MYRF: variants seen among roughly 807,000 people sequenced by gnomAD.
MYRF encodes myelin regulatory factor.
In MYRF, 16 loss-of-function variants were observed where a neutral mutation model predicts 126.3. The ratio of observed to expected loss-of-function variants is 0.13; its 90% CI spans 0.09 to 0.19. The LOEUF (loss-of-function observed/expected upper bound fraction) is 0.19, where lower values mean the gene tolerates loss of function less well. Ranked by LOEUF, MYRF falls within the 10% of genes least tolerant of loss-of-function variation. The pLI is 1.00. For missense variants in MYRF, 1,104 were observed against 1,547.0 expected, an observed-to-expected ratio of 0.71 and a Z score of 4.80; for synonymous variants, 608 against 635.3, an observed-to-expected ratio of 0.96 and a Z score of 0.65.
intron 1 of MYRF, among the ~76,000 whole-genome samples, chr11:61,762,179 G>A (rs2065917601): frequency 6.6e-6 from 1 of 152,180 alleles, no homozygotes; most frequent in Non-Finnish European, 1.5e-5. Flanking sequence ...ATGGAAAGGA[G>A]GCAAGGGCTG....
Position 61,757,921 on chromosome 11 carries a change from G to A in MYRF, c.46+5131G>A, listed in dbSNP as rs538791081. 2.6e-5 allele frequency among the ~76,000 whole-genome samples: 4 copies of A among 152,312 alleles called. No homozygotes were observed. ...CTCTGTGCCAGCCTGGGATGGGCAG[G>A]GAAGGGGCCTCTCCTCCTGACATGC... On this transcript the variant is annotated intron_variant, in intron 1 of 26. Coordinates refer to ENST00000278836, the MANE Select transcript of MYRF (RefSeq NM_001127392.3). The surrounding 1 kb of genome is among the most constrained non-coding windows in gnomAD (Gnocchi z 4.7).
intron 1 of MYRF, among the ~76,000 whole-genome samples, chr11:61,753,162 G>A (rs2065653230): frequency 6.6e-6 from 1 of 152,014 alleles, no homozygotes; most frequent in Admixed American, 6.6e-5. Flanking sequence ...AACCCCAAGC[G>A]GGATACAACC....
In MYRF at chr11:61,780,744, C is replaced by G. The variant is rs542246137; in HGVS notation, c.2438C>G (p.Ala813Gly). 1 of 1,549,112 alleles carries G rather than the reference C, an allele frequency of 6.5e-7. No homozygotes were observed. Among genetic ancestry groups the G allele is most frequent in the Non-Finnish European group, 8.7e-7 (1 of 1,147,086 alleles). The change falls in exon 19 of 27, where the codon GCC becomes GGC. Residue 813 changes from alanine (A) to glycine (G), a missense_variant. Transcript: ENST00000278836. The part of the protein sequence containing the change: ...SFAVSTSCLL[A>G]LLRPQPPGGS... ...GCCGTGTCCACTTCCTGTCTCCTGGCCCTGCTCCGGCCCCAGCCCCCTGGG... is the reference window on the plus strand; with the variant it reads ...GCCGTGTCCACTTCCTGTCTCCTGGGCCTGCTCCGGCCCCAGCCCCCTGGG...
intron 16 of MYRF, 25 bp downstream of exon 16, chr11:61,779,595 C>A: frequency 1.4e-6 from 2 of 1,476,602 alleles, no homozygotes; most frequent in Non-Finnish European, 1.8e-6. Flanking sequence ...GGATGGCAGG[C>A]GGGTTGGAAA....
At chr11:61,785,546 C>A in intron 25 of MYRF, 2 of 554,652 alleles carry the variant, frequency 3.6e-6, no homozygotes, top group East Asian at 6.0e-5. Context: ...CCCAGCACAA[C>A]AGGACTGGGA....
At chr11:61,785,984 G>T in intron 26 of MYRF, 79 bp from the exon 27 acceptor site, 1 of 1,554,618 alleles carries the variant, frequency 6.4e-7, no homozygotes, top group African/African-American at 1.4e-5. Flanking sequence ...GGGGCACAGT[G>T]TCAAGCAATG....
At chr11:61,752,974 G>C (rs553379117) in intron 1 of MYRF, among the ~76,000 whole-genome samples, 184 bp downstream of exon 1, 1 of 151,982 alleles carries the variant, frequency 6.6e-6, no homozygotes, top group Non-Finnish European at 1.5e-5. Context: ...ACCACCCACC[G>C]CCGCTGAAGT....
At chr11:61,768,059 A>C (rs902131585) in intron 3 of MYRF, among the ~76,000 whole-genome samples, 19 of 150,658 alleles carry the variant, frequency 1.3e-4, no homozygotes, top group Admixed American at 5.3e-4. Context: ...TGGAGGTTAC[A>C]GTGAGTGGTG....
rs1191781138 is a variant in MYRF, at chr11:61,757,927, G to GGC, written c.46+5138_46+5139dup. 1.3e-5 allele frequency among the ~76,000 whole-genome samples: 2 copies of GGC among 152,148 alleles called. No homozygotes were observed. The highest frequency in any genetic ancestry group is 2.9e-5 in the Non-Finnish European group (2 of 68,000). ...GCCAGCCTGGGATGGGCAGGGAAGG[G>GGC]GCCTCTCCTCCTGACATGCTGAGGG... On this transcript the variant is annotated intron_variant, in intron 1 of 26. Transcript: ENST00000278836. This position sits in a 1 kb window ranked among gnomAD's most constrained non-coding sequence, Gnocchi z 4.7.
At chr11:61,762,580 A>ACCCTGC (rs2065928500) in intron 1 of MYRF, among the ~76,000 whole-genome samples, 1 of 151,338 alleles carries the variant, frequency 6.6e-6, no homozygotes, top group Non-Finnish European at 1.5e-5. Context: ...TGCCCATGGG[A>ACCCTGC]CCCTGCCCCT....
rs754883904 is a variant in MYRF at position 61,766,162 on chromosome 11, C to T, written c.339C>T (p.Pro113=). 6.2e-7 allele frequency: 1 copy of T among 1,612,042 alleles called. No homozygotes were observed. The highest frequency in any genetic ancestry group is 1.1e-5 in the South Asian group (1 of 91,078). The change falls in exon 3 of 27, where the codon CCC becomes CCT. Residue 113 remains proline, a synonymous_variant. Transcript: ENST00000278836. ...ACGGCATGGGCGCTGCCCCCAAGCC[C>T]TTCCCGGGGGGCACCGGGCCCCCCA... is the stretch of plus-strand genomic sequence containing the variant. The part of the protein sequence containing the change: ...NNNGMGAAPK[P]FPGGTGPPIK...
chr11:61,777,823 C>A lies in MYRF; in HGVS notation c.1881C>A (p.Ile627=). 1.9e-6 allele frequency: 3 copies of A among 1,552,222 alleles called. No individual in the cohort carries two copies. The highest frequency in any genetic ancestry group is 2.6e-6 in the Non-Finnish European group (3 of 1,147,490). ...CCGAGTTCGCCGCCAGCGCGGGCAT[C>A]GAGGCCACCGCGCCAGAGACAGGTA... is the stretch of plus-strand genomic sequence containing the variant. ...YKPEFAASAG[I]EATAPETGVI... Residue 627 remains isoleucine (I), a synonymous_variant, in exon 13 of 27, where the codon ATC becomes ATA. Coordinates refer to ENST00000278836, the MANE Select transcript of MYRF (RefSeq NM_001127392.3). The surrounding 1 kb of genome is among the most constrained non-coding windows in gnomAD (Gnocchi z 8.8).
At chr11:61,756,488 C>A (rs2065760176) in intron 1 of MYRF, among the ~76,000 whole-genome samples, 2 of 152,026 alleles carry the variant, frequency 1.3e-5, no homozygotes, top group Admixed American at 6.5e-5. Flanking sequence ...CTGTCTGTCC[C>A]TGGTGCACCC....
At chr11:61,773,423 C>A (rs375193508) in intron 7 of MYRF, among the ~76,000 whole-genome samples, 1 of 152,128 alleles carries the variant, frequency 6.6e-6, no homozygotes, top group African/African-American at 2.4e-5. Flanking sequence ...CCCGGGCAGA[C>A]GGAGGGAGTA....
rs779036665 is a variant in MYRF at position 61,781,143 on chromosome 11, A to G, written c.2578A>G (p.Thr860Ala). 6.2e-7 allele frequency: 1 copy of G among 1,613,302 alleles called. No individual in the cohort carries two copies. The change falls in exon 21 of 27, where the codon ACC becomes GCC. Residue 860 changes from threonine to alanine, a missense_variant. By Grantham distance (58) the Thr-to-Ala change is moderately conservative. Around this residue, in one of 10 missense-constraint regions of MYRF, gnomAD observed 323 missense variants for 383.1 expected, o/e 0.84. Coordinates refer to ENST00000278836, the MANE Select transcript of MYRF (RefSeq NM_001127392.3). ...ACAGCCTCTGGCCTCCTCAGTGACC[A>G]CCAGCCTCACCAGCTCGGCCCCAGG... Reference protein sequence around the residue: ...GIQPSLLLVTTSLTSSAPGSA... With the variant: ...GIQPSLLLVTASLTSSAPGSA...
At position 61,773,182 on chromosome 11, in the gene MYRF, G is replaced by T. The variant is rs193123364; in HGVS notation, c.1116-785G>T. 8.5e-3 allele frequency among the ~76,000 whole-genome samples: 1,286 copies of T among 152,184 alleles called. 18 individuals are homozygous for T. The highest frequency in any genetic ancestry group is 0.028 in the African/African-American group (1,177 of 41,524). ...TTTTTGTATTTTTAGTAGAGGCGGG[G>T]TTTCACCATGTTGGCCAGGCTGGTC... is the stretch of plus-strand genomic sequence containing the variant. On this transcript the variant is annotated intron_variant, in intron 7 of 26. Coordinates refer to ENST00000278836, the MANE Select transcript of MYRF (RefSeq NM_001127392.3).
chr11:61,752,667 G>C lies in MYRF; in HGVS notation c.-78G>C, dbSNP rs2065638918. 8.7e-7 allele frequency: 1 copy of C among 1,150,806 alleles called. No homozygotes were observed. The highest frequency in any genetic ancestry group is 1.1e-6 in the Non-Finnish European group (1 of 915,338). The allele number at this position is 1,150,806 out of a possible 1,614,324, so 71.3% of individuals were successfully genotyped here. A position where few individuals can be genotyped will look rare whatever the true frequency, so the allele number is the denominator to read the frequency against. ...GGAGCCCAGCCGGGACTGTCGCGCG[G>C]GCCGCGCCGGCGATGCCGCGCCCCC... On this transcript the variant is annotated 5_prime_UTR_variant, in exon 1 of 27. Coordinates refer to ENST00000278836, the MANE Select transcript of MYRF (RefSeq NM_001127392.3).
intron 1 of MYRF, among the ~76,000 whole-genome samples, chr11:61,754,665 G>A (rs955297540): frequency 6.6e-6 from 1 of 152,166 alleles, no homozygotes; most frequent in Non-Finnish European, 1.5e-5. Context: ...GGGGGCTGAC[G>A]CCACGGCTTA....
In MYRF at chr11:61,757,659, A is replaced by G. The variant is rs2065797313; in HGVS notation, c.46+4869A>G. On this transcript the variant is annotated intron_variant, in intron 1 of 26. Transcript: ENST00000278836. The surrounding 1 kb of genome is among the most constrained non-coding windows in gnomAD (Gnocchi z 4.7). ...GGGGCCCGCCCCACCTCCCCCTCTG[A>G]GATTTGGGTTCTGTTCTTGCTGCCA... is the stretch of plus-strand genomic sequence containing the variant. 1 of 420,604 alleles carries G rather than the reference A, an allele frequency of 2.4e-6. No homozygotes were observed. The highest frequency in any genetic ancestry group is 2.1e-5 in the African/African-American group (1 of 48,646). 26.1% of individuals were successfully genotyped at this position (420,604 alleles called of 1,614,324 possible).
Sources: allele counts gnomAD v4.1 joint callset (sites outside exome capture counted in the v4.1 genomes callset), GRCh38; gene constraint gnomAD v4.1.1; regional missense constraint gnomAD v4.1.1; non-coding constraint Gnocchi (gnomAD v3.1); transcripts MANE v1.5; gene names NCBI Gene and HGNC (gene_info 2026-07-23, HGNC 2026-07-21).